The following SUGP2 variants were observed in gnomAD, a reference collection of about 807,000 sequenced individuals.
SUGP2 encodes SURP and G-patch domain-containing protein 2.
A neutral mutation model predicts 90.5 loss-of-function variants in SUGP2; 24 were observed. The ratio of observed to expected loss-of-function variants is 0.27; its 90% CI spans 0.19 to 0.37. The LOEUF (loss-of-function observed/expected upper bound fraction) is 0.37. Among genes scored for constraint, SUGP2 ranks in the 10% least tolerant of loss-of-function variants. SUGP2 has a pLI of 1.00. For missense variants in SUGP2, 1,233 were observed against 1,363.3 expected (o/e 0.90, Z 1.51); for synonymous variants, 473 against 513.4 (o/e 0.92, Z 1.06).
At chr19:18,995,983 G>A (rs2057564901) in intron 8 of SUGP2, among the ~76,000 whole-genome samples, 1 of 152,120 alleles carries the variant, frequency 6.6e-6, no homozygotes, top group Non-Finnish European at 1.5e-5. Context: ...GGAGCCTGCA[G>A]GGCTGTAGCA....
chr19:19,028,041 C>T (rs1001259673), intron 2 of SUGP2, among the ~76,000 whole-genome samples: 2 of 152,098 alleles, frequency 1.3e-5, no homozygotes, highest in African/African-American at 4.8e-5. Flanking sequence ...AGGACAAGAC[C>T]CTGAGGTGGG....
intron 9 of SUGP2, 163 bp from the exon 10 acceptor site, chr19:18,994,649 G>C (rs562061243): frequency 9.9e-7 from 1 of 1,008,096 alleles, no homozygotes; most frequent in African/African-American, 1.6e-5. Context: ...TAGAAACAAG[G>C]AGTACTCACC....
chr19:19,010,716 G>A (rs1599475334), intron 4 of SUGP2, among the ~76,000 whole-genome samples: 1 of 152,240 alleles, frequency 6.6e-6, no homozygotes, highest in Non-Finnish European at 1.5e-5. Flanking sequence ...GCTTTTGACT[G>A]CATCAAGGAA....
intron 1 of SUGP2, 175 bp from the exon 2 acceptor site, chr19:19,031,257 GGT>G: frequency 1.5e-6 from 1 of 650,910 alleles, no homozygotes; most frequent in Non-Finnish European, 2.6e-6. Context: ...ATTCAGGCTG[GGT>G]GTGGTGGCTC....
At chr19:19,030,839 C>G (rs918874288) in intron 2 of SUGP2, 112 bp downstream of exon 2, 84 of 1,248,050 alleles carry the variant, frequency 6.7e-5, no homozygotes, top group Non-Finnish European at 9.1e-5. Context: ...AATAAGGAAA[C>G]TAAGGATCAG....
intron 4 of SUGP2, among the ~76,000 whole-genome samples, chr19:19,015,828 T>C (rs950737796): frequency 6.6e-6 from 1 of 152,180 alleles, no homozygotes; most frequent in Middle Eastern, 3.2e-3. Flanking sequence ...TGAAGGAGTT[T>C]TTGGATGATA....
chr19:19,025,178 G>A lies in SUGP2; in HGVS notation c.1170C>T (p.His390=). ...FCFFTIKFLK[H]SALKTPRVDN... ...CAACTCTGGGTGTTTTCAAAGCAGA[G>A]TGCTTTAAAAATTTGATAGTAAAAA... The change falls in exon 3 of 11, where the codon CAC becomes CAT. Residue 390 remains histidine, a synonymous_variant. Transcript: ENST00000452918. 2.5e-6 allele frequency: 4 copies of A among 1,612,276 alleles called. No homozygotes were observed. Among genetic ancestry groups the A allele is most frequent in the Non-Finnish European group, 3.4e-6 (4 of 1,179,772 alleles).
chr19:19,014,615 A>C (rs1405049924), intron 4 of SUGP2, among the ~76,000 whole-genome samples: 1 of 150,036 alleles, frequency 6.7e-6, no homozygotes, highest in Non-Finnish European at 1.5e-5. Context: ...CAGAGCAAAA[A>C]CCCATTTCTT....
chr19:19,033,748 C>T (rs952274747), upstream of SUGP2: 3 of 257,326 alleles, frequency 1.2e-5, no homozygotes, highest in Non-Finnish European at 2.2e-5. Context: ...ACGAGGTGGC[C>T]TCGTTGGCTT....
intron 4 of SUGP2, among the ~76,000 whole-genome samples, chr19:19,014,504 A>C (rs1255904384): frequency 6.6e-6 from 1 of 152,124 alleles, no homozygotes; most frequent in Non-Finnish European, 1.5e-5. Flanking sequence ...TTGCTAACTA[A>C]TAAAAAGAAT....
chr19:19,020,317 A>AGCTACTTG (rs899286025), intron 3 of SUGP2, among the ~76,000 whole-genome samples: 3 of 151,482 alleles, frequency 2.0e-5, no homozygotes, highest in Non-Finnish European at 4.4e-5. Flanking sequence ...CTGTAGTCCC[A>AGCTACTTG]GCTACTTGGG....
chr19:19,031,143 C>A, intron 1 of SUGP2, 61 bp from the exon 2 acceptor site: 1 of 1,560,540 alleles, frequency 6.4e-7, no homozygotes, highest in South Asian at 1.2e-5. Context: ...CGCGGTGGCT[C>A]ATACCTGTAA....
intron 2 of SUGP2, among the ~76,000 whole-genome samples, chr19:19,026,791 C>A (rs887608361): frequency 1.1e-4 from 16 of 152,194 alleles, no homozygotes; most frequent in Admixed American, 7.2e-4. Flanking sequence ...GCTAACACCA[C>A]ACCCACCACA....
intron 2 of SUGP2, among the ~76,000 whole-genome samples, chr19:19,026,684 CT>C (rs2058944700): frequency 6.6e-6 from 1 of 152,212 alleles, no homozygotes; most frequent in Admixed American, 6.6e-5. Context: ...CTACTTCTAT[CT>C]CAGAACAGAC....
intron 8 of SUGP2, among the ~76,000 whole-genome samples, chr19:18,995,711 G>A (rs1010066091): frequency 2.6e-5 from 4 of 152,164 alleles, no homozygotes; most frequent in African/African-American, 9.7e-5. Flanking sequence ...GACAGTGGGT[G>A]AGAACTGGCT....
chr19:19,000,994 C>G (rs2057807878), intron 8 of SUGP2, among the ~76,000 whole-genome samples: 1 of 151,818 alleles, frequency 6.6e-6, no homozygotes, highest in South Asian at 2.1e-4. Context: ...TGTAAGACAC[C>G]CAATCGGCCT....
Position 18,991,118 on chromosome 19 carries a change from T to C in SUGP2, c.*2623A>G, listed in dbSNP as rs1248811248. 2 of 152,084 alleles carry C rather than the reference T, an allele frequency of 1.3e-5. No individual in the cohort carries two copies. The highest frequency in any genetic ancestry group is 4.8e-5 in the African/African-American group (2 of 41,408). 9.4% of individuals were successfully genotyped at this position (152,084 alleles called of 1,614,324 possible). A position where few individuals can be genotyped will look rare whatever the true frequency, so the allele number is the denominator to read the frequency against. On this transcript the variant is annotated 3_prime_UTR_variant, in exon 11 of 11. Coordinates refer to ENST00000452918, the MANE Select transcript of SUGP2 (RefSeq NM_001017392.5). ...AGAGTGGCGAGAGAGCACTTCCAGA[T>C]GCCTGTTGTCCTCTCGGGGGTGACC...
At chr19:19,015,887 T>C (rs1403160867) in intron 4 of SUGP2, among the ~76,000 whole-genome samples, 1 of 152,248 alleles carries the variant, frequency 6.6e-6, no homozygotes, top group Non-Finnish European at 1.5e-5. Context: ...GGATCTATTC[T>C]ATCAGCCAAC....
At position 19,005,892 on chromosome 19, in the gene SUGP2, C is replaced by A. The variant is rs60151334; in HGVS notation, c.2451-1246G>T. On this transcript the variant is annotated intron_variant, in intron 6 of 10. Coordinates refer to ENST00000452918, the MANE Select transcript of SUGP2 (RefSeq NM_001017392.5). ...ACACACACACACACACACACACACA[C>A]CACACACACACACCACACACACATA... 0.017 allele frequency among the ~76,000 whole-genome samples: 337 copies of A among 19,892 alleles called. 1 individual carries two copies. In the East Asian group the frequency reaches 0.28, roughly 16 times the overall value. The allele number at this position is 19,892 out of a possible 152,430, so 13.0% of individuals were successfully genotyped here. A position where few individuals can be genotyped will look rare whatever the true frequency, so the allele number is the denominator to read the frequency against.
Sources: gnomAD v4.1 joint callset for allele counts (sites outside exome capture counted in the v4.1 genomes callset) on GRCh38, gnomAD v4.1.1 for gene constraint, MANE v1.5 for transcripts, NCBI Gene and HGNC (gene_info 2026-07-23, HGNC 2026-07-21) for gene names.